LRRN1: variants seen among roughly 807,000 people sequenced by gnomAD.
The protein encoded by LRRN1 is leucine rich repeat neuronal 1.
Under a neutral mutation model 45.8 loss-of-function variants are expected in LRRN1, and 14 were observed. The ratio of observed to expected loss-of-function variants is 0.31; its 90% CI spans 0.20 to 0.48. The LOEUF (loss-of-function observed/expected upper bound fraction) is 0.48, where lower values mean the gene tolerates loss of function less well. Among genes scored for constraint, LRRN1 ranks in the 20% least tolerant of loss-of-function variants. The pLI, the probability that LRRN1 is intolerant of heterozygous loss-of-function variation, is 0.99. For missense variants in LRRN1, 789 were observed against 874.2 expected, an observed-to-expected ratio of 0.90 and a Z score of 1.23; for synonymous variants, 359 against 330.1, an observed-to-expected ratio of 1.09 and a Z score of -0.95.
chr3:3,811,300 C>T (rs1692867451), intron 1 of LRRN1, among the ~76,000 whole-genome samples: 1 of 152,232 alleles, frequency 6.6e-6, no homozygotes, highest in Non-Finnish European at 1.5e-5. Flanking sequence ...CTTCCCACAT[C>T]TCCTTGTCCT....
chr3:3,806,884 T>G (rs1195665344), intron 1 of LRRN1, among the ~76,000 whole-genome samples: 2 of 152,190 alleles, frequency 1.3e-5, no homozygotes, highest in African/African-American at 4.8e-5. Context: ...CTTGTGAGGC[T>G]CCTCTTCCCA....
At chr3:3,834,787 G>T (rs554289284) in intron 1 of LRRN1, among the ~76,000 whole-genome samples, 1 of 151,138 alleles carries the variant, frequency 6.6e-6, no homozygotes, top group African/African-American at 2.4e-5. Context: ...AGGCTGGGAG[G>T]CTAGGCCCAT....
At chr3:3,810,445 T>C (rs1692850079) in intron 1 of LRRN1, among the ~76,000 whole-genome samples, 1 of 152,250 alleles carries the variant, frequency 6.6e-6, no homozygotes, top group Non-Finnish European at 1.5e-5. Flanking sequence ...ATCGTCATCA[T>C]ACAATATCAT....
intron 1 of LRRN1, among the ~76,000 whole-genome samples, chr3:3,826,658 T>G (rs1428589655): frequency 6.6e-6 from 1 of 152,114 alleles, no homozygotes; most frequent in African/African-American, 2.4e-5. Context: ...CCTCCATCTG[T>G]GATCACTTAA....
chr3:3,801,740 A>G (rs1692657035), intron 1 of LRRN1, among the ~76,000 whole-genome samples: 1 of 152,220 alleles, frequency 6.6e-6, no homozygotes, highest in Non-Finnish European at 1.5e-5. Flanking sequence ...GTGCTATTGT[A>G]TTGAAAGCTC....
intron 1 of LRRN1, among the ~76,000 whole-genome samples, chr3:3,802,913 G>A (rs1187723077): frequency 6.6e-6 from 1 of 152,188 alleles, no homozygotes; most frequent in Non-Finnish European, 1.5e-5. Context: ...TAACCTGCCT[G>A]TGTAATCGTT....
chr3:3,839,183 G>C lies in LRRN1; in HGVS notation c.-278-5181G>C, dbSNP rs1693591172. On this transcript the variant is annotated intron_variant, in intron 1 of 1. Coordinates refer to ENST00000319331, the MANE Select transcript of LRRN1 (RefSeq NM_020873.7). The stretch of plus-strand genomic sequence containing the variant: ...GCATTTTGAGTTAATTTTTGTATAT[G>C]GCATAAGGTAAGAGTACAACCTCAT... Among the ~76,000 whole-genome samples, 3 of 152,050 alleles carry C rather than the reference G, an allele frequency of 2.0e-5. No homozygotes were observed. In the South Asian group the frequency reaches 6.2e-4, roughly 31 times the overall value.
chr3:3,834,942 G>A (rs181949104), intron 1 of LRRN1, among the ~76,000 whole-genome samples: 52 of 152,134 alleles, frequency 3.4e-4, no homozygotes, highest in African/African-American at 1.2e-3. Flanking sequence ...AGACACAACC[G>A]GGGTTAATGC....
intron 1 of LRRN1, among the ~76,000 whole-genome samples, chr3:3,807,038 A>G (rs1682473973): frequency 6.6e-6 from 1 of 152,216 alleles, no homozygotes. Flanking sequence ...AACAGGTAAC[A>G]AGCTGACGGT....
rs1034347153 is a variant in LRRN1, at chr3:3,816,422, T to C, written c.-279+16503T>C. 1.3e-5 allele frequency among the ~76,000 whole-genome samples: 2 copies of C among 152,016 alleles called. No individual in the cohort carries two copies. The highest frequency in any genetic ancestry group is 2.9e-5 in the Non-Finnish European group (2 of 67,976). On this transcript the variant is annotated intron_variant, in intron 1 of 1. Coordinates refer to ENST00000319331, the MANE Select transcript of LRRN1 (RefSeq NM_020873.7). The surrounding 1 kb of genome is among the most constrained non-coding windows in gnomAD (Gnocchi z 4.0). ...ACCTGATTTTAATTTACCAAAACAA[T>C]TAAAAAACCTGATTAACAGAAATCC...
intron 1 of LRRN1, among the ~76,000 whole-genome samples, chr3:3,828,149 TA>T (rs201028515): frequency 1.2e-4 from 17 of 141,964 alleles, no homozygotes; most frequent in East Asian, 4.0e-4. Context: ...TATATATATA[TA>T]TATTATATAT....
chr3:3,800,651 GCGGGGACAGACC>G (rs1284884388), intron 1 of LRRN1: 104 of 25,824 alleles, frequency 4.0e-3, no homozygotes, highest in African/African-American at 9.4e-3. Flanking sequence ...TGAGCTCCAC[GCGGGGACAGACC>G]TCAGCCCGTG....
intron 1 of LRRN1, among the ~76,000 whole-genome samples, chr3:3,824,942 C>T (rs1348449283): frequency 6.6e-6 from 1 of 152,074 alleles, no homozygotes; most frequent in South Asian, 2.1e-4. Context: ...GCCGTCTCTA[C>T]CTTTCACAGT....
In LRRN1 at chr3:3,809,592, G is replaced by A. The variant is rs529479655; in HGVS notation, c.-279+9673G>A. Among the ~76,000 whole-genome samples, 8 of 152,340 alleles carry A rather than the reference G, an allele frequency of 5.3e-5. No individual in the cohort carries two copies. The East Asian group carries it at 1.5e-3, about 29-fold the overall frequency. ...TCAGAGCAATGTGTCAGTCATTGCCGTAGTGTTACAGGACATGCAGCCCAA... is the reference window on the plus strand; with the variant it reads ...TCAGAGCAATGTGTCAGTCATTGCCATAGTGTTACAGGACATGCAGCCCAA... On this transcript the variant is annotated intron_variant, in intron 1 of 1. Transcript: ENST00000319331.
intron 1 of LRRN1, among the ~76,000 whole-genome samples, chr3:3,802,658 T>G (rs1322504694): frequency 1.3e-5 from 2 of 152,200 alleles, no homozygotes; most frequent in African/African-American, 4.8e-5. Context: ...TAAGAAAATG[T>G]TATAGCCAAG....
intron 1 of LRRN1, among the ~76,000 whole-genome samples, chr3:3,815,097 C>T (rs4605526): frequency 0.27 from 40,927 of 151,892 alleles, 6,281 homozygotes; most frequent in African/African-American, 0.41. Flanking sequence ...ACCATCCTAC[C>T]TTCCTGTCTT....
At chr3:3,832,278 T>C (rs1405426794) in intron 1 of LRRN1, among the ~76,000 whole-genome samples, 2 of 152,218 alleles carry the variant, frequency 1.3e-5, no homozygotes, top group African/African-American at 4.8e-5. Context: ...GCAGCTCTAA[T>C]GCCTTCCATT....
rs564770392 is a variant in LRRN1 at position 3,830,433 on chromosome 3, C to G, written c.-278-13931C>G. On this transcript the variant is annotated intron_variant, in intron 1 of 1. Transcript: ENST00000319331. ...ACAACCAGGTGCACTGCTTGAAGCT[C>G]TGCCCACTGGGAAGATTACCCTCCA... Among the ~76,000 whole-genome samples the G allele has an allele frequency of 5.3e-5, 8 of 152,368 alleles. No individual in the cohort carries two copies. The East Asian group carries it at 1.5e-3, about 29-fold the overall frequency.
Position 3,844,498 on chromosome 3 carries a change from G to A in LRRN1, c.-144G>A. 2 of 674,206 alleles carry A rather than the reference G, an allele frequency of 3.0e-6. No individual in the cohort carries two copies. Among genetic ancestry groups the A allele is most frequent in the Admixed American group, 3.1e-5 (1 of 32,750 alleles). 41.8% of individuals were successfully genotyped at this position (674,206 alleles called of 1,614,324 possible). On this transcript the variant is annotated 5_prime_UTR_variant, in exon 2 of 2. Coordinates refer to ENST00000319331, the MANE Select transcript of LRRN1 (RefSeq NM_020873.7). ...GAAAACTCCTGAAAACCATCCCTTTGGACTCTGGAATTCTACACAGCTCAA... is the reference window on the plus strand; with the variant it reads ...GAAAACTCCTGAAAACCATCCCTTTAGACTCTGGAATTCTACACAGCTCAA...
Sources: allele counts gnomAD v4.1 joint callset (sites outside exome capture counted in the v4.1 genomes callset), GRCh38; gene constraint gnomAD v4.1.1; non-coding constraint Gnocchi (gnomAD v3.1); transcripts MANE v1.5; gene names NCBI Gene and HGNC (gene_info 2026-07-23, HGNC 2026-07-21).